FAM78B: variants seen among roughly 807,000 people sequenced by gnomAD.
FAM78B encodes protein FAM78B.
Under a neutral mutation model 20.0 loss-of-function variants are expected in FAM78B, and 10 were observed. That is an observed-to-expected ratio of 0.50 (90% CI 0.31 to 0.85). FAM78B has a LOEUF of 0.85. Ranked by LOEUF, FAM78B falls within the 40% of genes least tolerant of loss-of-function variation. The pLI, the probability that FAM78B is intolerant of heterozygous loss-of-function variation, is 0.05. For missense variants in FAM78B, 283 were observed against 345.0 expected (o/e 0.82, Z 1.42); for synonymous variants, 135 against 132.8 (o/e 1.02, Z -0.12).
chr1:166,057,739 G>T (rs185044462), exon 3 of FAM78B: 2 of 152,316 alleles, frequency 1.3e-5, no homozygotes, highest in Admixed American at 6.5e-5. Flanking sequence ...GGTAAAGGAA[G>T]GAAATACATG....
intron 1 of FAM78B, among the ~76,000 whole-genome samples, chr1:166,092,101 G>A (rs1038591762): frequency 6.6e-6 from 1 of 150,734 alleles, no homozygotes; most frequent in Admixed American, 6.6e-5. Flanking sequence ...ATCTTTCTGA[G>A]GAATTTTCCA....
chr1:166,105,360 C>A (rs1369389300), intron 1 of FAM78B, among the ~76,000 whole-genome samples: 15 of 151,980 alleles, frequency 9.9e-5, no homozygotes, highest in Admixed American at 9.8e-4. Context: ...CAAATGGGAT[C>A]TAATTAAACT....
intron 1 of FAM78B, among the ~76,000 whole-genome samples, chr1:166,073,502 CTCTA>C (rs1324651313): frequency 7.5e-6 from 1 of 132,528 alleles, no homozygotes; most frequent in Non-Finnish European, 1.5e-5. Context: ...TCTTCCCTCT[CTCTA>C]TCTCTCGCTC....
At chr1:166,159,517 C>T (rs1656059193) in intron 1 of FAM78B, among the ~76,000 whole-genome samples, 1 of 152,166 alleles carries the variant, frequency 6.6e-6, no homozygotes, top group Non-Finnish European at 1.5e-5. Flanking sequence ...TTTGCATTTC[C>T]CTTTCACTTG....
chr1:166,122,259 C>T (rs1654489355), intron 1 of FAM78B, among the ~76,000 whole-genome samples: 1 of 152,124 alleles, frequency 6.6e-6, no homozygotes, highest in Non-Finnish European at 1.5e-5. Flanking sequence ...CTGCTCTGCC[C>T]AGGGCACAGA....
chr1:166,087,929 C>T (rs1031871007), intron 1 of FAM78B, among the ~76,000 whole-genome samples: 10 of 152,064 alleles, frequency 6.6e-5, no homozygotes, highest in Non-Finnish European at 1.0e-4. Context: ...GGAGGAGTGC[C>T]GCTCAGGCTG....
At chr1:166,105,086 C>G (rs573067445) in intron 1 of FAM78B, among the ~76,000 whole-genome samples, 3,023 of 151,946 alleles carry the variant, frequency 0.02, 94 homozygotes, top group African/African-American at 0.067. Context: ...ACAAACCTGA[C>G]AAAAACAAGC....
intron 1 of FAM78B, among the ~76,000 whole-genome samples, chr1:166,096,079 C>T (rs781400025): frequency 4.6e-5 from 7 of 152,168 alleles, no homozygotes; most frequent in African/African-American, 9.7e-5. Flanking sequence ...ATCTAAGCAA[C>T]GTAACCATAG....
intron 1 of FAM78B, among the ~76,000 whole-genome samples, chr1:166,119,614 G>C (rs1654391137): frequency 6.6e-6 from 1 of 152,186 alleles, no homozygotes; most frequent in Non-Finnish European, 1.5e-5. Context: ...GCCTCCCTAA[G>C]AGAGCTGTTT....
chr1:166,139,207 T>G (rs1432946190), intron 1 of FAM78B, among the ~76,000 whole-genome samples: 1 of 152,172 alleles, frequency 6.6e-6, no homozygotes, highest in Non-Finnish European at 1.5e-5. Flanking sequence ...TTTTATCTAG[T>G]TGGAGATGAG....
At chr1:166,103,543 TA>T (rs564460821) in intron 1 of FAM78B, among the ~76,000 whole-genome samples, 109 of 152,174 alleles carry the variant, frequency 7.2e-4, no homozygotes, top group African/African-American at 2.6e-3. Context: ...CCCACAGAAA[TA>T]CAAACTACTG....
At chr1:166,133,461 T>C (rs1654951691) in intron 1 of FAM78B, among the ~76,000 whole-genome samples, 1 of 152,216 alleles carries the variant, frequency 6.6e-6, no homozygotes. Flanking sequence ...GTGACAGCGA[T>C]ATGAAACAAA....
intron 1 of FAM78B, among the ~76,000 whole-genome samples, chr1:166,153,557 G>A (rs565573364): frequency 6.6e-6 from 1 of 152,044 alleles, no homozygotes; most frequent in South Asian, 2.1e-4. Context: ...AACAGTGAAG[G>A]GTCCACATAG....
chr1:166,113,091 C>T (rs993217248), intron 1 of FAM78B, among the ~76,000 whole-genome samples: 1 of 149,858 alleles, frequency 6.7e-6, no homozygotes, highest in Non-Finnish European at 1.5e-5. Flanking sequence ...GTCACTCAGT[C>T]GAAAGATGCT....
chr1:166,082,171 T>C (rs185720597), intron 1 of FAM78B, among the ~76,000 whole-genome samples: 316 of 152,322 alleles, frequency 2.1e-3, no homozygotes, highest in Non-Finnish European at 3.5e-3. Context: ...CAGATGTCCA[T>C]GTTTCCTTAT....
chr1:166,152,294 G>A lies in FAM78B; in HGVS notation c.263+13692C>T, dbSNP rs556581593. 6.2e-4 allele frequency among the ~76,000 whole-genome samples: 95 copies of A among 152,350 alleles called. 3 individuals carry two copies. In the South Asian group the frequency reaches 0.019, roughly 31 times the overall value. The stretch of plus-strand genomic sequence containing the variant: ...GGTGTCAGGGATAGGGATGGGAGCA[G>A]CTGCTAACCTTGCCCGGGCCTTTCA... On this transcript the variant is annotated intron_variant, in intron 1 of 1. Coordinates refer to ENST00000354422, the MANE Select transcript of FAM78B (RefSeq NM_001017961.5).
At chr1:166,140,659 T>C (rs1212518718) in intron 1 of FAM78B, among the ~76,000 whole-genome samples, 1 of 152,132 alleles carries the variant, frequency 6.6e-6, no homozygotes, top group East Asian at 1.9e-4. Flanking sequence ...CTGCAAATGG[T>C]GGGATAAGTG....
At chr1:166,102,125 G>A (rs1263412956) in intron 1 of FAM78B, among the ~76,000 whole-genome samples, 1 of 152,072 alleles carries the variant, frequency 6.6e-6, no homozygotes, top group Non-Finnish European at 1.5e-5. Context: ...CATAACCAAA[G>A]GAGAAATAAA....
chr1:166,107,704 G>C (rs1653842482), intron 1 of FAM78B, among the ~76,000 whole-genome samples: 1 of 152,072 alleles, frequency 6.6e-6, no homozygotes, highest in African/African-American at 2.4e-5. Context: ...GAAAACTACA[G>C]ACTGAATATC....
Sources: gnomAD v4.1 joint callset for allele counts (sites outside exome capture counted in the v4.1 genomes callset) on GRCh38, gnomAD v4.1.1 for gene constraint, MANE v1.5 for transcripts, NCBI Gene and HGNC (gene_info 2026-07-23, HGNC 2026-07-21) for gene names.